MEGF10: variants seen among roughly 807,000 people sequenced by gnomAD.
The protein encoded by MEGF10 is multiple epidermal growth factor-like domains protein 10.
MEGF10 carries 86 observed loss-of-function variants against 147.5 expected under a neutral mutation model. That is an observed-to-expected ratio of 0.58 (90% confidence interval 0.49 to 0.70). The LOEUF (loss-of-function observed/expected upper bound fraction) is 0.70, where lower values mean the gene tolerates loss of function less well. Ranked by LOEUF, MEGF10 falls within the 30% of genes least tolerant of loss-of-function variation. The pLI, the probability that MEGF10 is intolerant of heterozygous loss-of-function variation, is 0.00. For synonymous variants in MEGF10, 478 were observed against 525.5 expected, an observed-to-expected ratio of 0.91 and a Z score of 1.24; for missense variants, 1,329 against 1,487.3, an observed-to-expected ratio of 0.89 and a Z score of 1.75.
intron 5 of MEGF10, among the ~76,000 whole-genome samples, chr5:127,390,118 A>C (rs2126904422): frequency 6.6e-6 from 1 of 152,328 alleles, no homozygotes; most frequent in East Asian, 1.9e-4. Context: ...AGACCCAGAG[A>C]TACCCACTGA....
chr5:127,252,930 A>C, the MEGF10 span, among the ~76,000 whole-genome samples: 1 of 152,018 alleles, frequency 6.6e-6, no homozygotes, highest in East Asian at 1.9e-4. Flanking sequence ...AGAGTGATGA[A>C]TTTTAATTCA....
intron 8 of MEGF10, among the ~76,000 whole-genome samples, chr5:127,408,375 G>C (rs1373643365): frequency 6.6e-6 from 1 of 152,114 alleles, no homozygotes; most frequent in East Asian, 1.9e-4. Context: ...AAATCTAACA[G>C]ACAGGTTGAA....
chr5:127,276,853 G>T, the MEGF10 span, among the ~76,000 whole-genome samples: 1 of 152,094 alleles, frequency 6.6e-6, no homozygotes, highest in African/African-American at 2.4e-5. Flanking sequence ...GGTAGAGCAT[G>T]GTAAAGGGGA....
At chr5:127,297,091 C>T (rs748048756) in intron 1 of MEGF10, among the ~76,000 whole-genome samples, 9 of 152,122 alleles carry the variant, frequency 5.9e-5, no homozygotes, top group East Asian at 3.9e-4. Context: ...CTCAGCATCC[C>T]GAGTAGCTGG....
intron 1 of MEGF10, among the ~76,000 whole-genome samples, chr5:127,306,424 A>G (rs1264287377): frequency 1.3e-5 from 2 of 152,222 alleles, no homozygotes; most frequent in Admixed American, 6.5e-5. Context: ...TTTAAAAAAA[A>G]CAAGCAACTT....
chr5:127,427,478 G>A (rs1017220331), intron 13 of MEGF10, among the ~76,000 whole-genome samples: 8 of 152,218 alleles, frequency 5.3e-5, no homozygotes, highest in East Asian at 1.9e-4. Flanking sequence ...GAGAATAAGA[G>A]GAGAGGTTGG....
At chr5:127,308,301 A>T (rs1380402642) in intron 1 of MEGF10, among the ~76,000 whole-genome samples, 7 of 152,204 alleles carry the variant, frequency 4.6e-5, no homozygotes. Flanking sequence ...ACTCCTTTAA[A>T]ACCTCAAATT....
the MEGF10 span, among the ~76,000 whole-genome samples, chr5:127,265,036 T>A: frequency 6.6e-6 from 1 of 152,184 alleles, no homozygotes; most frequent in Non-Finnish European, 1.5e-5. Flanking sequence ...TCATTTACAT[T>A]AGGTATATTT....
At chr5:127,328,807 A>G (rs576617144) in intron 1 of MEGF10, among the ~76,000 whole-genome samples, 1 of 152,142 alleles carries the variant, frequency 6.6e-6, no homozygotes, top group East Asian at 1.9e-4. Flanking sequence ...AGCTAAACAC[A>G]TTTCACACTT....
At chr5:127,365,213 A>G (rs1403856627) in intron 4 of MEGF10, among the ~76,000 whole-genome samples, 1 of 152,156 alleles carries the variant, frequency 6.6e-6, no homozygotes, top group East Asian at 1.9e-4. Flanking sequence ...TTCTGAAAAC[A>G]TTTTCCATAT....
intron 1 of MEGF10, among the ~76,000 whole-genome samples, chr5:127,327,545 A>T (rs1182394699): frequency 6.6e-6 from 1 of 152,140 alleles, no homozygotes; most frequent in Non-Finnish European, 1.5e-5. Context: ...AGCATAGAAG[A>T]GAGAAATGAG....
intron 1 of MEGF10, among the ~76,000 whole-genome samples, chr5:127,298,021 G>A (rs1163962718): frequency 1.3e-5 from 2 of 152,156 alleles, no homozygotes; most frequent in African/African-American, 2.4e-5. Context: ...ACCCAGCCAC[G>A]AATAACCTTC....
intron 2 of MEGF10, among the ~76,000 whole-genome samples, chr5:127,333,996 A>G (rs757983941): frequency 5.9e-5 from 9 of 152,200 alleles, no homozygotes; most frequent in Non-Finnish European, 1.2e-4. Flanking sequence ...GTTGACAGCT[A>G]TAATCTTCTT....
At chr5:127,424,828 T>C (rs1765157755) in intron 13 of MEGF10, 1 of 153,670 alleles carries the variant, frequency 6.5e-6, no homozygotes. Context: ...TAAAACTGCA[T>C]CAACTAGGGA....
intron 20 of MEGF10, among the ~76,000 whole-genome samples, chr5:127,446,873 T>C (rs1253361198): frequency 6.6e-6 from 1 of 152,204 alleles, no homozygotes; most frequent in African/African-American, 2.4e-5. Flanking sequence ...AGCTGAGCTC[T>C]GAAAGACCCA....
chr5:127,433,379 C>T lies in MEGF10; in HGVS notation c.1710C>T (p.Ser570=), dbSNP rs766687716. The change falls in exon 14 of 25, where the codon AGC becomes AGT. Residue 570 remains serine, a synonymous_variant. Transcript: ENST00000503335. ...LPGWSGVHCD[S]VCAEGRWGPN... ...TTATTTCAGGTGTCCACTGTGACAG[C>T]GTGTGTGCTGAGGGACGCTGGGGCC... The T allele has an allele frequency of 8.7e-6, 14 of 1,614,080 alleles. No homozygotes were observed. The highest frequency in any genetic ancestry group is 2.7e-5 in the African/African-American group (2 of 74,934).
chr5:127,387,461 C>T (rs1763474426), intron 5 of MEGF10, among the ~76,000 whole-genome samples: 1 of 152,186 alleles, frequency 6.6e-6, no homozygotes, highest in African/African-American at 2.4e-5. Context: ...AAGCAAACAA[C>T]TATTATTTCT....
chr5:127,437,758 T>C (rs1765609907), intron 16 of MEGF10, among the ~76,000 whole-genome samples: 1 of 152,192 alleles, frequency 6.6e-6, no homozygotes, highest in African/African-American at 2.4e-5. Flanking sequence ...TACATACCGC[T>C]GGGAACCTCA....
At chr5:127,409,824 G>C (rs570807622) in intron 8 of MEGF10, 9 of 155,128 alleles carry the variant, frequency 5.8e-5, no homozygotes, top group Admixed American at 5.6e-4. Context: ...CAGATCTAAA[G>C]AGGACTTGGC....
Sources: gnomAD v4.1 joint callset for allele counts (sites outside exome capture counted in the v4.1 genomes callset) on GRCh38, gnomAD v4.1.1 for gene constraint, MANE v1.5 for transcripts, NCBI Gene and HGNC (gene_info 2026-07-23, HGNC 2026-07-21) for gene names.